The following PCDHGA4 variants were observed in gnomAD, a reference collection of about 807,000 sequenced individuals.
PCDHGA4 encodes the protein protocadherin gamma-A4.
Under a neutral mutation model 54.6 loss-of-function variants are expected in PCDHGA4, and 38 were observed. That is an observed-to-expected ratio of 0.70 (90% CI 0.54 to 0.91). The LOEUF (loss-of-function observed/expected upper bound fraction) is 0.91, where lower values mean the gene tolerates loss of function less well. PCDHGA4 is among the 40% of genes least tolerant of loss of function. The pLI, the probability that PCDHGA4 is intolerant of heterozygous loss-of-function variation, is 0.00. For missense variants in PCDHGA4, 1,298 were observed against 1,220.9 expected (o/e 1.06, Z -0.94); for synonymous variants, 511 against 512.9 (o/e 1.00, Z 0.05).
At position 141,355,182 on chromosome 5, in the gene PCDHGA4, A is replaced by G; in HGVS notation, c.75A>G (p.Arg25=). The G allele has an allele frequency of 6.3e-7, 1 of 1,584,970 alleles. No individual in the cohort carries two copies. The highest frequency in any genetic ancestry group is 1.1e-5 in the South Asian group (1 of 87,724). The change falls in exon 1 of 4, where the codon CGA becomes CGG. Residue 25 remains arginine, a synonymous_variant. Transcript: ENST00000571252. ...ASTEGKPKHR[R]LRGGVVMAAP... Reference sequence around the variant, plus strand: ...CAGAGGGAAAACCGAAGCACAGGCGACTCCGCGGCGGGGTTGTAATGGCGG... The same window carrying G: ...CAGAGGGAAAACCGAAGCACAGGCGGCTCCGCGGCGGGGTTGTAATGGCGG...
intron 1 of PCDHGA4, chr5:141,430,820 G>C (rs1194897001): frequency 6.5e-7 from 1 of 1,541,598 alleles, no homozygotes; most frequent in East Asian, 2.3e-5. Context: ...AATCCTCCTG[G>C]GGACTCTGTG....
intron 1 of PCDHGA4, chr5:141,395,397 A>C: frequency 1.1e-6 from 1 of 895,314 alleles, no homozygotes; most frequent in Non-Finnish European, 1.6e-6. Flanking sequence ...TTGAACTCTA[A>C]TAGTCATAGG....
At chr5:141,417,050 C>T (rs1420453271) in intron 1 of PCDHGA4, 3 of 151,552 alleles carry the variant, frequency 2.0e-5, no homozygotes, top group Non-Finnish European at 4.4e-5. Flanking sequence ...AAAAAAACTG[C>T]TCTTGACATT....
chr5:141,466,928 T>TTAG (rs1231908662), intron 1 of PCDHGA4, among the ~76,000 whole-genome samples: 1 of 152,220 alleles, frequency 6.6e-6, no homozygotes, highest in Non-Finnish European at 1.5e-5. Context: ...ATTAGGAATA[T>TTAG]TAGTCCTTTG....
chr5:141,364,068 C>T (rs1405963968), intron 1 of PCDHGA4, among the ~76,000 whole-genome samples: 1 of 152,134 alleles, frequency 6.6e-6, no homozygotes, highest in Non-Finnish European at 1.5e-5. Flanking sequence ...TATAACTAAA[C>T]TTAGGAGAAA....
At chr5:141,366,219 G>A (rs888571729) in intron 1 of PCDHGA4, 8 of 1,613,694 alleles carry the variant, frequency 5.0e-6, no homozygotes, top group African/African-American at 1.3e-5. Flanking sequence ...CGCACAGCGC[G>A]AGCCCTGCTG....
intron 1 of PCDHGA4, among the ~76,000 whole-genome samples, chr5:141,358,218 A>G (rs1306876220): frequency 6.6e-6 from 1 of 152,214 alleles, no homozygotes; most frequent in Non-Finnish European, 1.5e-5. Flanking sequence ...AAAGTAAAAT[A>G]AAGAATAAAT....
At chr5:141,422,716 G>A (rs1348237465) in intron 1 of PCDHGA4, 1 of 1,604,378 alleles carries the variant, frequency 6.2e-7, no homozygotes, top group Non-Finnish European at 8.5e-7. Flanking sequence ...GGATGACACT[G>A]TCCAGGGGGT....
chr5:141,399,495 T>C, intron 1 of PCDHGA4: 1 of 1,614,034 alleles, frequency 6.2e-7, no homozygotes, highest in Non-Finnish European at 8.5e-7. Context: ...ACTTAGTCAG[T>C]GTACCCGAAA....
At chr5:141,423,395 C>G (rs1249200485) in intron 1 of PCDHGA4, 1 of 1,614,060 alleles carries the variant, frequency 6.2e-7, no homozygotes, top group Non-Finnish European at 8.5e-7. Context: ...TGGCATAAGT[C>G]ACGCCTGCTG....
intron 1 of PCDHGA4, among the ~76,000 whole-genome samples, chr5:141,470,290 C>T (rs1226383020): frequency 1.3e-5 from 2 of 152,148 alleles, no homozygotes; most frequent in Non-Finnish European, 2.9e-5. Context: ...TATTGGTTAA[C>T]TGTTTTTATT....
At chr5:141,400,999 TCCTA>T (rs1239504565) in intron 1 of PCDHGA4, among the ~76,000 whole-genome samples, 2 of 152,226 alleles carry the variant, frequency 1.3e-5, no homozygotes, top group African/African-American at 2.4e-5. Flanking sequence ...GCTTTCTTAT[TCCTA>T]CCTAATGGAT....
chr5:141,410,320 C>T (rs752279818), intron 1 of PCDHGA4: 54 of 1,613,880 alleles, frequency 3.3e-5, no homozygotes, highest in Non-Finnish European at 4.5e-5. Context: ...TCCTCCTCGC[C>T]GTGATTCTGG....
rs3074541 is a variant in PCDHGA4 at position 141,433,358 on chromosome 5, CCTATCTATCTATCTATCTATCTAT to C, written c.2515-61424_2515-61401del. 6 of 503,934 alleles carry C rather than the reference CCTATCTATCTATCTATCTATCTAT, an allele frequency of 1.2e-5. No homozygotes were observed. In the Admixed American group the frequency reaches 1.5e-4, roughly 12 times the overall value. The allele number at this position is 503,934 out of a possible 1,614,324, so 31.2% of individuals were successfully genotyped here. ...ACAGGTGCAAGCCACCTACTGTCTG[CCTATCTATCTATCTATCTATCTAT>C]CTATCTATCTATCTATCTATCTATT... On this transcript the variant is annotated intron_variant, in intron 1 of 3. Transcript: ENST00000571252.
At chr5:141,359,927 C>T in intron 1 of PCDHGA4, 2 of 456,184 alleles carry the variant, frequency 4.4e-6, no homozygotes, top group Non-Finnish European at 7.5e-6. Context: ...CTGAGAAAAC[C>T]TCTGAGCGTC....
chr5:141,399,896 T>G (rs1271195619), intron 1 of PCDHGA4: 2 of 1,612,518 alleles, frequency 1.2e-6, no homozygotes, highest in Non-Finnish European at 8.5e-7. Flanking sequence ...GTAGTGGCCG[T>G]GGACGCAGAC....
chr5:141,423,680 C>T (rs2096766182), intron 1 of PCDHGA4: 1 of 1,479,088 alleles, frequency 6.8e-7, no homozygotes, highest in African/African-American at 1.5e-5. Context: ...ATTTCTCTGC[C>T]TCCTAATTGT....
At chr5:141,412,195 C>T (rs1326751515) in intron 1 of PCDHGA4, 2 of 152,208 alleles carry the variant, frequency 1.3e-5, no homozygotes, top group African/African-American at 4.8e-5. Context: ...CTGATGAAAA[C>T]AGGTCATTTG....
At chr5:141,422,149 C>G in intron 1 of PCDHGA4, 1 of 1,577,238 alleles carries the variant, frequency 6.3e-7, no homozygotes. Context: ...ACGGGGGTCT[C>G]TGGATTTTGA....
Sources: gnomAD v4.1 joint callset for allele counts (sites outside exome capture counted in the v4.1 genomes callset) on GRCh38, gnomAD v4.1.1 for gene constraint, MANE v1.5 for transcripts, NCBI Gene and HGNC (gene_info 2026-07-23, HGNC 2026-07-21) for gene names.